Variants in PTPRD observed in about 807,000 individuals in gnomAD.
PTPRD encodes protein tyrosine phosphatase receptor type D.
PTPRD carries 34 observed loss-of-function variants against 214.5 expected under a neutral mutation model. That is an observed-to-expected ratio of 0.16 (90% CI 0.12 to 0.21). The LOEUF (loss-of-function observed/expected upper bound fraction) is 0.21, where lower values mean the gene tolerates loss of function less well. Among genes scored for constraint, PTPRD ranks in the 10% least tolerant of loss-of-function variants. PTPRD has a pLI of 1.00. For missense variants in PTPRD, 2,545 were observed against 2,398.7 expected (o/e 1.06, Z -1.27); for synonymous variants, 1,128 against 845.7 (o/e 1.33, Z -5.79).
chr9:8,636,795 G>T lies in PTPRD; in HGVS notation c.114C>A (p.Gly38=), dbSNP rs375755265. The change falls in exon 13 of 46, where the codon GGC becomes GGA. Residue 38 remains glycine (G), a synonymous_variant. Coordinates refer to ENST00000381196, the MANE Select transcript of PTPRD (RefSeq NM_002839.4). The part of the protein sequence containing the change: ...RTPVDQTGVS[G]GVASFICQAT... ...CTTGGCAGATGAAAGAGGCAACTCC[G>T]CCAGAGACCCCTGTCTGATCAACGG... is the stretch of plus-strand genomic sequence containing the variant. 1.9e-6 allele frequency: 3 copies of T among 1,613,942 alleles called. No individual in the cohort carries two copies. The highest frequency in any genetic ancestry group is 2.5e-6 in the Non-Finnish European group (3 of 1,179,910).
At chr9:9,352,477 C>G (rs2051783756) in intron 9 of PTPRD, among the ~76,000 whole-genome samples, 2 of 151,510 alleles carry the variant, frequency 1.3e-5, no homozygotes, top group African/African-American at 4.8e-5. Context: ...GAAATTACAA[C>G]AAAATCTGCC....
chr9:9,561,119 A>G (rs769490465), intron 8 of PTPRD, among the ~76,000 whole-genome samples: 21 of 152,138 alleles, frequency 1.4e-4, no homozygotes, highest in Admixed American at 2.6e-4. Context: ...TGTAGAGCCA[A>G]TGATGGCCTT....
At chr9:9,369,899 TTGTC>T (rs2058969574) in intron 9 of PTPRD, among the ~76,000 whole-genome samples, 1 of 152,204 alleles carries the variant, frequency 6.6e-6, no homozygotes, top group Non-Finnish European at 1.5e-5. Flanking sequence ...TTTGTCAGGT[TTGTC>T]AAAGATCAGA....
At chr9:9,822,094 T>G (rs953879499) in intron 5 of PTPRD, among the ~76,000 whole-genome samples, 1 of 151,622 alleles carries the variant, frequency 6.6e-6, no homozygotes, top group African/African-American at 2.4e-5. Context: ...TCACATAAAC[T>G]CACTTGAAAA....
intron 35 of PTPRD, among the ~76,000 whole-genome samples, chr9:8,424,192 C>G (rs1590047365): frequency 6.6e-6 from 1 of 152,076 alleles, no homozygotes; most frequent in African/African-American, 2.4e-5. Context: ...GACAATAATC[C>G]TTCCTTGGGG....
At chr9:10,370,820 C>G (rs2097597413) in intron 2 of PTPRD, among the ~76,000 whole-genome samples, 1 of 151,848 alleles carries the variant, frequency 6.6e-6, no homozygotes, top group Admixed American at 6.6e-5. Flanking sequence ...GATAAAAGAT[C>G]TCTTCTCTCC....
At chr9:8,879,037 T>C (rs1049518295) in intron 11 of PTPRD, among the ~76,000 whole-genome samples, 2 of 152,214 alleles carry the variant, frequency 1.3e-5, no homozygotes, top group African/African-American at 4.8e-5. Flanking sequence ...GGAACACTTA[T>C]TTTACTCTGG....
chr9:10,272,890 T>C (rs543600621), intron 3 of PTPRD, among the ~76,000 whole-genome samples: 1 of 152,334 alleles, frequency 6.6e-6, no homozygotes, highest in East Asian at 1.9e-4. Flanking sequence ...TTTTAATAAA[T>C]GTCTTTCTTC....
chr9:10,132,611 G>C (rs907671546), intron 3 of PTPRD, among the ~76,000 whole-genome samples: 1 of 152,166 alleles, frequency 6.6e-6, no homozygotes, highest in Non-Finnish European at 1.5e-5. Context: ...CATAAGGATA[G>C]CTCTGCTATG....
intron 8 of PTPRD, among the ~76,000 whole-genome samples, chr9:9,492,210 G>A (rs1179779109): frequency 1.3e-5 from 2 of 149,278 alleles, no homozygotes; most frequent in African/African-American, 2.5e-5. Flanking sequence ...AGGAACATAT[G>A]AATAGACCTA....
At chr9:9,588,575 T>C (rs1041495117) in intron 7 of PTPRD, among the ~76,000 whole-genome samples, 2 of 152,008 alleles carry the variant, frequency 1.3e-5, no homozygotes, top group African/African-American at 2.4e-5. Flanking sequence ...TAGTGAAAGA[T>C]AGAAAACCCA....
At chr9:10,161,500 C>A (rs1165293261) in intron 3 of PTPRD, among the ~76,000 whole-genome samples, 2 of 151,646 alleles carry the variant, frequency 1.3e-5, no homozygotes, top group Non-Finnish European at 3.0e-5. Flanking sequence ...AACATAGGTA[C>A]AGGAATTAAA....
chr9:9,621,235 A>C (rs1053007626), intron 7 of PTPRD, among the ~76,000 whole-genome samples: 1 of 152,196 alleles, frequency 6.6e-6, no homozygotes, highest in Non-Finnish European at 1.5e-5. Context: ...ATGCCTATAT[A>C]TTATCTAACA....
intron 27 of PTPRD, among the ~76,000 whole-genome samples, chr9:8,491,720 T>C (rs2097154787): frequency 6.7e-6 from 1 of 148,344 alleles, no homozygotes; most frequent in South Asian, 2.2e-4. Flanking sequence ...CCATCTGTAA[T>C]CCTGCTGTTT....
chr9:10,268,784 C>A (rs977241740), intron 3 of PTPRD, among the ~76,000 whole-genome samples: 1 of 152,208 alleles, frequency 6.6e-6, no homozygotes, highest in African/African-American at 2.4e-5. Context: ...TTTTATGCTA[C>A]CTTTTCAACG....
At chr9:10,174,442 G>T (rs923554895) in intron 3 of PTPRD, among the ~76,000 whole-genome samples, 1 of 152,130 alleles carries the variant, frequency 6.6e-6, no homozygotes, top group East Asian at 1.9e-4. Flanking sequence ...GCCCTCAACA[G>T]AAATAGGGGC....
Position 8,564,346 on chromosome 9 carries a change from G to C in PTPRD, c.353-35567C>G, listed in dbSNP as rs541241048. Among the ~76,000 whole-genome samples the C allele has an allele frequency of 6.6e-5, 10 of 152,192 alleles. No homozygotes were observed. The South Asian group carries it at 1.5e-3, about 22-fold the overall frequency. ...ATGTAACCTCATCAAAAATCATGAT[G>C]CATCTGTATACATACACACATACTA... On this transcript the variant is annotated intron_variant, in intron 14 of 45. Transcript: ENST00000381196.
At chr9:9,254,037 A>G (rs1057083404) in intron 9 of PTPRD, among the ~76,000 whole-genome samples, 7 of 152,084 alleles carry the variant, frequency 4.6e-5, no homozygotes, top group Non-Finnish European at 1.0e-4. Context: ...TGTGTCTCCT[A>G]TAAGGATACC....
intron 2 of PTPRD, among the ~76,000 whole-genome samples, chr9:10,439,783 G>A (rs893222470): frequency 4.6e-5 from 7 of 151,824 alleles, no homozygotes; most frequent in East Asian, 3.9e-4. Context: ...GGTGGGAGGA[G>A]CCAAGGGAGC....
Sources: allele counts gnomAD v4.1 joint callset (sites outside exome capture counted in the v4.1 genomes callset), GRCh38; gene constraint gnomAD v4.1.1; transcripts MANE v1.5; gene names NCBI Gene and HGNC (gene_info 2026-07-23, HGNC 2026-07-21).